The following STRBP variants were observed in gnomAD, a reference collection of about 807,000 sequenced individuals.
STRBP encodes the protein spermatid perinuclear RNA binding protein.
Under a neutral mutation model 80.1 loss-of-function variants are expected in STRBP, and 13 were observed. The ratio of observed to expected loss-of-function variants is 0.16; its 90% CI spans 0.11 to 0.26. STRBP has a LOEUF of 0.26. STRBP is among the 10% of genes least tolerant of loss of function. STRBP has a pLI of 1.00. For missense variants in STRBP, 485 were observed against 815.2 expected (o/e 0.59, Z 4.93); for synonymous variants, 284 against 291.2 (o/e 0.98, Z 0.25).
intron 1 of STRBP, among the ~76,000 whole-genome samples, chr9:123,253,763 G>A (rs1805360299): frequency 6.6e-6 from 1 of 152,184 alleles, no homozygotes; most frequent in African/African-American, 2.4e-5. Flanking sequence ...GCATAAGAAG[G>A]ATACTCTGTT....
At chr9:123,151,847 C>T (rs2037070494) in intron 11 of STRBP, among the ~76,000 whole-genome samples, 1 of 151,992 alleles carries the variant, frequency 6.6e-6, no homozygotes, top group South Asian at 2.1e-4. Context: ...ACCAATAAAA[C>T]AGAATACAAA....
chr9:123,255,680 T>C (rs1448749619), intron 1 of STRBP, among the ~76,000 whole-genome samples: 4 of 152,232 alleles, frequency 2.6e-5, no homozygotes, highest in South Asian at 2.1e-4. Context: ...ATGCCAGCAA[T>C]AGATCCAGCA....
At chr9:123,249,770 C>A (rs765878891) in intron 1 of STRBP, among the ~76,000 whole-genome samples, 11 of 152,094 alleles carry the variant, frequency 7.2e-5, no homozygotes, top group Non-Finnish European at 1.3e-4. Context: ...GTTTAGGAAC[C>A]CCTGGAGGTC....
rs1432129249 is a variant in STRBP, at chr9:123,268,546, G to A, written c.-412C>T. ...CTGCCCAGCGGCGGCGGCTGCGGCG[G>A]CTGCTGCCCTGGTGGCGCTCGCGGC... is the stretch of plus-strand genomic sequence containing the variant. On this transcript the variant is annotated 5_prime_UTR_variant, in exon 1 of 19. Coordinates refer to ENST00000348403, the MANE Select transcript of STRBP (RefSeq NM_018387.5). The A allele has an allele frequency of 5.3e-5, 9 of 168,846 alleles. No individual in the cohort carries two copies. The highest frequency in any genetic ancestry group is 1.1e-4 in the Non-Finnish European group (9 of 80,086). The allele number at this position is 168,846 out of a possible 1,614,324, so 10.5% of individuals were successfully genotyped here.
At chr9:123,179,593 T>C (rs774388610) in intron 3 of STRBP, among the ~76,000 whole-genome samples, 4 of 151,986 alleles carry the variant, frequency 2.6e-5, no homozygotes, top group African/African-American at 4.8e-5. Context: ...CTGGCCGACA[T>C]GGTAAAACCC....
downstream of STRBP, among the ~76,000 whole-genome samples, chr9:123,117,587 G>A (rs1465458819): frequency 6.6e-6 from 1 of 152,176 alleles, no homozygotes; most frequent in Non-Finnish European, 1.5e-5. Flanking sequence ...GGAAACTCCT[G>A]GCAATGACCA....
chr9:123,219,931 A>G (rs528024764), intron 2 of STRBP, among the ~76,000 whole-genome samples: 2 of 152,364 alleles, frequency 1.3e-5, no homozygotes, highest in South Asian at 4.1e-4. Flanking sequence ...ATAACTGCCA[A>G]TACACAATTC....
chr9:123,217,315 G>C (rs2039929681), intron 2 of STRBP, among the ~76,000 whole-genome samples: 1 of 151,840 alleles, frequency 6.6e-6, no homozygotes. Context: ...TTAAAGGTTA[G>C]GAAAACAAGA....
chr9:123,253,239 G>A (rs2040953724), intron 1 of STRBP, among the ~76,000 whole-genome samples: 1 of 152,184 alleles, frequency 6.6e-6, no homozygotes, highest in South Asian at 2.1e-4. Flanking sequence ...AATGTCAGAA[G>A]CTACATTGCC....
chr9:123,215,425 G>T (rs1274124484), intron 2 of STRBP, among the ~76,000 whole-genome samples: 1 of 152,156 alleles, frequency 6.6e-6, no homozygotes, highest in African/African-American at 2.4e-5. Flanking sequence ...TAAAGCTGGG[G>T]TTAGGGTAAG....
intron 18 of STRBP, 38 bp downstream of exon 18, chr9:123,128,176 G>C (rs1391016460): frequency 6.2e-7 from 1 of 1,611,752 alleles, no homozygotes. Flanking sequence ...TGCTGTGACA[G>C]TCGCTAAGAG....
intron 13 of STRBP, among the ~76,000 whole-genome samples, chr9:123,145,459 T>C (rs1307072371): frequency 6.6e-6 from 1 of 152,166 alleles, no homozygotes; most frequent in Non-Finnish European, 1.5e-5. Context: ...CACTAGCTTA[T>C]GTTAAAGGTT....
intron 6 of STRBP, among the ~76,000 whole-genome samples, chr9:123,162,100 GC>G (rs1401056410): frequency 1.3e-5 from 2 of 152,156 alleles, no homozygotes; most frequent in East Asian, 3.8e-4. Context: ...TAGAGGTAGC[GC>G]ATTTGTGTGG....
intron 6 of STRBP, among the ~76,000 whole-genome samples, chr9:123,168,678 G>T (rs937522723): frequency 1.3e-5 from 2 of 152,138 alleles, no homozygotes; most frequent in Non-Finnish European, 2.9e-5. Flanking sequence ...ATAGCAACAG[G>T]GAGTCCCCAC....
At chr9:123,229,911 G>T (rs915596280) in intron 2 of STRBP, among the ~76,000 whole-genome samples, 1 of 152,140 alleles carries the variant, frequency 6.6e-6, no homozygotes, top group African/African-American at 2.4e-5. Flanking sequence ...AAATAAATAA[G>T]ATCATTCAGC....
At chr9:123,193,226 A>G (rs970003008) in intron 2 of STRBP, among the ~76,000 whole-genome samples, 2 of 152,190 alleles carry the variant, frequency 1.3e-5, no homozygotes, top group Non-Finnish European at 2.9e-5. Context: ...TTATCTCCAC[A>G]GCACCTAGTA....
intron 1 of STRBP, among the ~76,000 whole-genome samples, chr9:123,241,203 A>G (rs1324490582): frequency 6.6e-6 from 1 of 151,020 alleles, no homozygotes; most frequent in Non-Finnish European, 1.5e-5. Context: ...AAACAAAGTG[A>G]TTTAAAAAGG....
chr9:123,225,510 C>T (rs991957046), intron 2 of STRBP, among the ~76,000 whole-genome samples: 1 of 152,166 alleles, frequency 6.6e-6, no homozygotes, highest in Non-Finnish European at 1.5e-5. Context: ...GAATCCCCCA[C>T]CTTATGAGGC....
intron 6 of STRBP, among the ~76,000 whole-genome samples, chr9:123,167,830 A>G (rs2037834402): frequency 6.6e-6 from 1 of 152,140 alleles, no homozygotes; most frequent in Admixed American, 6.6e-5. Flanking sequence ...TCTATTCTAT[A>G]ATAGTTTCTA....
Sources: allele counts gnomAD v4.1 joint callset (sites outside exome capture counted in the v4.1 genomes callset), GRCh38; gene constraint gnomAD v4.1.1; transcripts MANE v1.5; gene names NCBI Gene and HGNC (gene_info 2026-07-23, HGNC 2026-07-21).